Variants in PCDHA13 observed in about 807,000 individuals in gnomAD.
The protein encoded by PCDHA13 is protocadherin alpha 13.
Under a neutral mutation model 64.8 loss-of-function variants are expected in PCDHA13, and 54 were observed. That is an observed-to-expected ratio of 0.83 (90% CI 0.67 to 1.04). The LOEUF (loss-of-function observed/expected upper bound fraction) is 1.04, where lower values mean the gene tolerates loss of function less well. Ranked by LOEUF, PCDHA13 falls within the 50% of genes least tolerant of loss-of-function variation. PCDHA13 has a pLI of 0.00. For synonymous variants in PCDHA13, 587 were observed against 564.4 expected, an observed-to-expected ratio of 1.04 and a Z score of -0.57; for missense variants, 1,248 against 1,254.3, an observed-to-expected ratio of 0.99 and a Z score of 0.08.
chr5:140,973,549 A>G (rs1040107774), intron 1 of PCDHA13, among the ~76,000 whole-genome samples: 2 of 152,230 alleles, frequency 1.3e-5, no homozygotes, highest in Non-Finnish European at 2.9e-5. Context: ...ATTTATTTCA[A>G]TTACCTCTTT....
intron 1 of PCDHA13, chr5:140,967,063 C>T (rs1554229129): frequency 6.2e-7 from 1 of 1,612,820 alleles, no homozygotes; most frequent in Non-Finnish European, 8.5e-7. Flanking sequence ...GTGGAGCGCT[C>T]TTCGTCAACG....
intron 1 of PCDHA13, chr5:140,930,518 T>G (rs782236970): frequency 3.3e-5 from 5 of 152,592 alleles, no homozygotes; most frequent in Non-Finnish European, 5.9e-5. Flanking sequence ...CCACTGCAGC[T>G]GGCCCTCAAA....
At chr5:140,903,725 T>C (rs2070536820) in intron 1 of PCDHA13, among the ~76,000 whole-genome samples, 1 of 152,256 alleles carries the variant, frequency 6.6e-6, no homozygotes. Context: ...TTCTCCCTAT[T>C]ATCAATTATT....
intron 1 of PCDHA13, among the ~76,000 whole-genome samples, chr5:140,923,593 A>G (rs2081438423): frequency 6.6e-6 from 1 of 152,246 alleles, no homozygotes. Flanking sequence ...TTGTTAATTC[A>G]TAATTTTAAT....
intron 1 of PCDHA13, among the ~76,000 whole-genome samples, chr5:140,960,030 C>T (rs75063622): frequency 0.012 from 1,781 of 152,150 alleles, 34 homozygotes; most frequent in African/African-American, 0.039. Flanking sequence ...TTGTTAAGTC[C>T]GGCTGTTTAT....
intron 1 of PCDHA13, chr5:140,966,707 A>G (rs539562297): frequency 7.2e-7 from 1 of 1,379,868 alleles, no homozygotes; most frequent in Admixed American, 3.5e-5. Context: ...GGCGTGGGGC[A>G]CGGCTGGGGA....
intron 1 of PCDHA13, among the ~76,000 whole-genome samples, chr5:140,936,450 T>C (rs1217629620): frequency 6.6e-6 from 1 of 152,234 alleles, no homozygotes; most frequent in Non-Finnish European, 1.5e-5. Context: ...TAACCACATC[T>C]GTTTAGTGGT....
intron 1 of PCDHA13, among the ~76,000 whole-genome samples, chr5:140,944,520 T>G (rs1554216391): frequency 6.6e-6 from 1 of 152,140 alleles, no homozygotes; most frequent in Non-Finnish European, 1.5e-5. Flanking sequence ...TATTTTGTGC[T>G]TTAAATGATT....
intron 1 of PCDHA13, among the ~76,000 whole-genome samples, chr5:140,896,506 A>G (rs1231827987): frequency 2.7e-5 from 4 of 150,856 alleles, no homozygotes; most frequent in African/African-American, 9.7e-5. Flanking sequence ...GGGACTGTGC[A>G]GGCACACACC....
intron 1 of PCDHA13, among the ~76,000 whole-genome samples, chr5:140,936,024 C>T (rs536876826): frequency 1.4e-4 from 22 of 151,890 alleles, no homozygotes; most frequent in African/African-American, 4.6e-4. Flanking sequence ...TCCCGAGTAG[C>T]GGGGATTACA....
chr5:140,997,559 T>C (rs550494855), intron 3 of PCDHA13, among the ~76,000 whole-genome samples: 9 of 152,148 alleles, frequency 5.9e-5, no homozygotes, highest in Non-Finnish European at 1.3e-4. Context: ...ACAGGACAAC[T>C]GTCATATGTG....
At chr5:140,933,501 G>A (rs1320553451) in intron 1 of PCDHA13, among the ~76,000 whole-genome samples, 2 of 151,978 alleles carry the variant, frequency 1.3e-5, no homozygotes, top group Non-Finnish European at 2.9e-5. Flanking sequence ...GAATTGTTAA[G>A]CAAAGACTAC....
At chr5:141,009,439 G>A (rs187486568) in intron 3 of PCDHA13, among the ~76,000 whole-genome samples, 188 bp from the exon 4 acceptor site, 1 of 152,244 alleles carries the variant, frequency 6.6e-6, no homozygotes, top group East Asian at 1.9e-4. Context: ...GGGAAATCCT[G>A]TCTCAAAAAA....
intron 3 of PCDHA13, among the ~76,000 whole-genome samples, chr5:140,985,090 A>C (rs1214396432): frequency 6.6e-6 from 1 of 152,076 alleles, no homozygotes; most frequent in Non-Finnish European, 1.5e-5. Context: ...GGCGTGTGCC[A>C]CCAAGCCTGG....
intron 1 of PCDHA13, among the ~76,000 whole-genome samples, chr5:140,950,508 C>T (rs1442075303): frequency 6.6e-6 from 1 of 152,016 alleles, no homozygotes; most frequent in African/African-American, 2.4e-5. Context: ...TCATTATTCC[C>T]TGTGTGCGAT....
intron 3 of PCDHA13, among the ~76,000 whole-genome samples, chr5:141,002,678 C>T (rs1361402849): frequency 6.6e-6 from 1 of 152,136 alleles, no homozygotes; most frequent in Non-Finnish European, 1.5e-5. Context: ...AAAACCTATA[C>T]GACGTGCAGA....
chr5:140,968,492 G>A (rs2096250539), intron 1 of PCDHA13: 2 of 1,614,074 alleles, frequency 1.2e-6, no homozygotes, highest in African/African-American at 1.3e-5. Flanking sequence ...GAATGACCAT[G>A]CCCCTCACAT....
chr5:140,967,943 G>T, intron 1 of PCDHA13: 1 of 1,614,190 alleles, frequency 6.2e-7, no homozygotes. Flanking sequence ...CAATGACCAA[G>T]ACTCAGGCCC....
chr5:140,982,706 T>C, intron 3 of PCDHA13, 143 bp downstream of exon 3: 1 of 1,375,170 alleles, frequency 7.3e-7, no homozygotes, highest in Admixed American at 2.9e-5. Flanking sequence ...ATGATTTCCT[T>C]ACATATATGA....
Sources: allele counts gnomAD v4.1 joint callset (sites outside exome capture counted in the v4.1 genomes callset), GRCh38; gene constraint gnomAD v4.1.1; transcripts MANE v1.5; gene names NCBI Gene and HGNC (gene_info 2026-07-23, HGNC 2026-07-21).